TLL1: variants seen among roughly 807,000 people sequenced by gnomAD.
TLL1 encodes the protein tolloid like 1, also known as tolloid-like protein 1.
In TLL1, 49 loss-of-function variants were observed where a neutral mutation model predicts 128.2. The observed-to-expected ratio is 0.38, with a 90% CI of 0.30 to 0.48. The LOEUF is 0.48. TLL1 is among the 20% of genes least tolerant of loss of function. The probability of loss-of-function intolerance (pLI) is 0.96; values close to 1 mark genes in which losing one functional copy is unlikely to be tolerated. For missense variants in TLL1, 1,123 were observed against 1,242.0 expected (o/e 0.90, Z 1.44); for synonymous variants, 454 against 418.8 (o/e 1.08, Z -1.03).
chr4:165,979,911 A>C (rs1010962757), intron 1 of TLL1, among the ~76,000 whole-genome samples: 1 of 152,158 alleles, frequency 6.6e-6, no homozygotes. Flanking sequence ...ATGATTTCTA[A>C]ATAGAGAGGG....
intron 1 of TLL1, among the ~76,000 whole-genome samples, chr4:165,918,009 A>G (rs904061207): frequency 2.0e-5 from 3 of 152,176 alleles, no homozygotes; most frequent in Non-Finnish European, 4.4e-5. Context: ...TTATTTGAAG[A>G]TGTAATTTTA....
At chr4:166,022,522 G>A (rs1039190833) in intron 8 of TLL1, among the ~76,000 whole-genome samples, 2 of 152,066 alleles carry the variant, frequency 1.3e-5, no homozygotes, top group African/African-American at 4.8e-5. Context: ...AAATTATTGT[G>A]TGTCTACTTA....
intron 8 of TLL1, among the ~76,000 whole-genome samples, chr4:166,021,347 C>T (rs1049306780): frequency 1.4e-4 from 21 of 152,020 alleles, no homozygotes; most frequent in African/African-American, 4.3e-4. Context: ...CAAGCCAGAA[C>T]TGTGGGGAAC....
At chr4:166,072,168 G>T (rs1198212947) in intron 16 of TLL1, among the ~76,000 whole-genome samples, 15 of 151,980 alleles carry the variant, frequency 9.9e-5, no homozygotes, top group Admixed American at 9.2e-4. Context: ...CTTAAATTTA[G>T]ACTAACTCAT....
At chr4:165,902,511 A>C (rs1231599858) in intron 1 of TLL1, among the ~76,000 whole-genome samples, 1 of 152,066 alleles carries the variant, frequency 6.6e-6, no homozygotes, top group Non-Finnish European at 1.5e-5. Context: ...ATGGTCCTTC[A>C]TGACTTCCCT....
At chr4:166,039,199 A>G (rs773178553) in intron 9 of TLL1, 140 bp from the exon 10 acceptor site, 1 of 645,842 alleles carries the variant, frequency 1.5e-6, no homozygotes, top group Non-Finnish European at 2.7e-6. Flanking sequence ...AAAAACTATT[A>G]GGATAATTAT....
At chr4:165,880,238 A>T (rs1235231202) in intron 1 of TLL1, among the ~76,000 whole-genome samples, 1 of 152,198 alleles carries the variant, frequency 6.6e-6, no homozygotes, top group Admixed American at 6.5e-5. Context: ...TGGCTAATGG[A>T]CTGCTAGTTT....
intron 1 of TLL1, among the ~76,000 whole-genome samples, chr4:165,928,405 C>T (rs908480592): frequency 2.6e-5 from 4 of 152,080 alleles, no homozygotes; most frequent in Admixed American, 2.6e-4. Context: ...GAAAGCCACT[C>T]TCTATAGGAG....
At chr4:166,006,029 C>T (rs111424479) in intron 6 of TLL1, among the ~76,000 whole-genome samples, 2,044 of 151,802 alleles carry the variant, frequency 0.013, 41 homozygotes, top group African/African-American at 0.047. Context: ...TATAAAAGTG[C>T]TCATGTTGAA....
At chr4:165,874,606 G>A (rs1487643602) in intron 1 of TLL1, among the ~76,000 whole-genome samples, 1 of 152,174 alleles carries the variant, frequency 6.6e-6, no homozygotes, top group Non-Finnish European at 1.5e-5. Flanking sequence ...GGCTAGAAAG[G>A]GATTGTGACA....
At chr4:165,999,165 C>T (rs1344634495) in intron 5 of TLL1, among the ~76,000 whole-genome samples, 3 of 152,174 alleles carry the variant, frequency 2.0e-5, no homozygotes, top group Non-Finnish European at 4.4e-5. Context: ...ACTGTACCAA[C>T]CACTGCCCGT....
At chr4:165,982,277 C>CTAAAG (rs61322920) in intron 1 of TLL1, among the ~76,000 whole-genome samples, 12,133 of 151,804 alleles carry the variant, frequency 0.08, 1,573 homozygotes, top group African/African-American at 0.27. Context: ...TATGAAACTT[C>CTAAAG]TAAAGCTGTA....
At chr4:166,001,571 G>A (rs1399260845) in intron 5 of TLL1, among the ~76,000 whole-genome samples, 1 of 152,030 alleles carries the variant, frequency 6.6e-6, no homozygotes, top group Non-Finnish European at 1.5e-5. Flanking sequence ...GACCAAGACA[G>A]GTGGATCACC....
At position 166,003,609 on chromosome 4, in the gene TLL1, G is replaced by T. The variant is rs948643593; in HGVS notation, c.811+40G>T. Reference sequence around the variant, plus strand: ...ATGTGTTGGGTTTAAGGCTGACTGGGTATCTTTGAATTGTATTTATGCAGT... The same window carrying T: ...ATGTGTTGGGTTTAAGGCTGACTGGTTATCTTTGAATTGTATTTATGCAGT... On this transcript the variant is annotated intron_variant, in intron 6 of 20. Coordinates refer to ENST00000061240, the MANE Select transcript of TLL1 (RefSeq NM_012464.5). 6 of 1,596,890 alleles carry T rather than the reference G, an allele frequency of 3.8e-6. No individual in the cohort carries two copies. In the Admixed American group the frequency reaches 8.3e-5, roughly 22 times the overall value.
intron 8 of TLL1, among the ~76,000 whole-genome samples, chr4:166,022,910 T>G (rs1046908736): frequency 3.3e-5 from 5 of 152,236 alleles, no homozygotes; most frequent in Non-Finnish European, 7.3e-5. Flanking sequence ...TTCTTTATAT[T>G]AATAATTCTT....
intron 12 of TLL1, chr4:166,053,342 A>C (rs1446277195): frequency 6.6e-6 from 1 of 151,878 alleles, no homozygotes; most frequent in Non-Finnish European, 1.5e-5. Context: ...TTTTCCATTG[A>C]ATTTATGACT....
chr4:165,883,592 G>A (rs1041447208), intron 1 of TLL1, among the ~76,000 whole-genome samples: 2 of 152,038 alleles, frequency 1.3e-5, no homozygotes, highest in African/African-American at 4.8e-5. Context: ...GCTTTTTCTG[G>A]AACATAACAA....
intron 8 of TLL1, among the ~76,000 whole-genome samples, chr4:166,015,323 T>C (rs1052539289): frequency 6.6e-6 from 1 of 152,018 alleles, no homozygotes; most frequent in Non-Finnish European, 1.5e-5. Context: ...ACTTGTAGAA[T>C]TCACTTTTGG....
chr4:165,989,663 A>T (rs201817925), intron 2 of TLL1, among the ~76,000 whole-genome samples, 172 bp downstream of exon 2: 9 of 145,554 alleles, frequency 6.2e-5, no homozygotes, highest in Admixed American at 2.8e-4. Flanking sequence ...CATTTTATTA[A>T]TTTTTTTTTT....
Sources: allele counts gnomAD v4.1 joint callset (sites outside exome capture counted in the v4.1 genomes callset), GRCh38; gene constraint gnomAD v4.1.1; transcripts MANE v1.5; gene names NCBI Gene and HGNC (gene_info 2026-07-23, HGNC 2026-07-21).